The following MALRD1 variants were observed in gnomAD, a reference collection of about 807,000 sequenced individuals.
The protein encoded by MALRD1 is MAM and LDL receptor class A domain containing 1, also known as MAM and LDL-receptor class A domain-containing protein 1.
MALRD1 carries 247 observed loss-of-function variants against 242.1 expected under a neutral mutation model. That is an observed-to-expected ratio of 1.02 (90% CI 0.92 to 1.13). The LOEUF is 1.13. Ranked by LOEUF, MALRD1 falls within the 50% of genes most tolerant of loss-of-function variation. The pLI, the probability that MALRD1 is intolerant of heterozygous loss-of-function variation, is 0.00. For synonymous variants in MALRD1, 995 were observed against 866.6 expected (o/e 1.15, Z -2.60); for missense variants, 2,989 against 2,533.1 (o/e 1.18, Z -3.86).
intron 10 of MALRD1, among the ~76,000 whole-genome samples, chr10:19,141,357 A>G (rs1833535136): frequency 6.6e-6 from 1 of 152,096 alleles, no homozygotes; most frequent in Admixed American, 6.6e-5. Context: ...AGATAGTAAA[A>G]CGGTGGTTCC....
chr10:19,114,195 CTA>C (rs1231731259), intron 5 of MALRD1, among the ~76,000 whole-genome samples: 1 of 152,096 alleles, frequency 6.6e-6, no homozygotes, highest in African/African-American at 2.4e-5. Context: ...AGTCCTCAAA[CTA>C]TATAATGAGG....
At chr10:19,059,274 T>C (rs963845082) in intron 1 of MALRD1, among the ~76,000 whole-genome samples, 1 of 152,204 alleles carries the variant, frequency 6.6e-6, no homozygotes, top group Non-Finnish European at 1.5e-5. Flanking sequence ...AGTATGGCAC[T>C]GCACATAAAA....
intron 33 of MALRD1, among the ~76,000 whole-genome samples, chr10:19,587,410 T>G (rs1297730241): frequency 6.6e-6 from 1 of 152,256 alleles, no homozygotes; most frequent in Non-Finnish European, 1.5e-5. Context: ...ACTTTAAAAC[T>G]GAAGTTCTAC....
intron 29 of MALRD1, chr10:19,489,347 A>G: frequency 1.8e-6 from 1 of 540,816 alleles, no homozygotes; most frequent in Non-Finnish European, 3.7e-6. Flanking sequence ...GGAAAGGAAA[A>G]CTGAGGAGAG....
In MALRD1 at chr10:19,146,240, G is replaced by A; in HGVS notation, c.1454G>A (p.Trp485Ter). Residue 485 changes from tryptophan (W) to a stop codon, truncating the protein, a stop_gained, in exon 11 of 40, where the codon TGG becomes TAG. Transcript: ENST00000454679. LOFTEE classifies it high-confidence loss of function. ...TCDFESGFCG[W>*]EPFLTEDSHW... ...GACTTTGAGTCGGGTTTCTGCGGTT[G>A]GGAGCCATTTCTCACAGAAGATTCA... 8.1e-7 allele frequency: 1 copy of A among 1,231,636 alleles called. No homozygotes were observed. The highest frequency in any genetic ancestry group is 3.2e-5 in the East Asian group (1 of 31,700). The allele number at this position is 1,231,636 out of a possible 1,614,324, so 76.3% of individuals were successfully genotyped here.
chr10:19,352,606 G>A (rs1234351985), intron 26 of MALRD1, among the ~76,000 whole-genome samples: 1 of 152,086 alleles, frequency 6.6e-6, no homozygotes, highest in Non-Finnish European at 1.5e-5. Context: ...TTAATCCTAA[G>A]CAAACATCTA....
rs949252002 is a variant in MALRD1, at chr10:19,527,095, G to A, written c.5321-4099G>A. ...GTGCAGTAATTTTCCAAGTACCTGC[G>A]ATGTTGTTAGAATATTTTTCAAGTA... On this transcript the variant is annotated intron_variant, in intron 31 of 39. Transcript: ENST00000454679. Among the ~76,000 whole-genome samples the A allele has an allele frequency of 3.9e-5, 6 of 152,218 alleles. No homozygotes were observed. The East Asian group carries it at 9.7e-4, about 24-fold the overall frequency.
At chr10:19,685,308 A>G (rs1257147996) in intron 36 of MALRD1, among the ~76,000 whole-genome samples, 1 of 152,024 alleles carries the variant, frequency 6.6e-6, no homozygotes, top group African/African-American at 2.4e-5. Flanking sequence ...TTCTAAGTTC[A>G]TACTTCTACA....
At chr10:19,599,152 A>G (rs1325472225) in intron 34 of MALRD1, among the ~76,000 whole-genome samples, 1 of 152,164 alleles carries the variant, frequency 6.6e-6, no homozygotes, top group Non-Finnish European at 1.5e-5. Flanking sequence ...GAATGCAGGA[A>G]AAAAGAATTG....
chr10:19,372,205 A>T (rs1588980043), intron 26 of MALRD1, among the ~76,000 whole-genome samples: 2 of 152,224 alleles, frequency 1.3e-5, no homozygotes, highest in East Asian at 3.8e-4. Flanking sequence ...AGTAATATGA[A>T]CAATGGATAT....
At position 19,209,219 on chromosome 10, in the gene MALRD1, G is replaced by A. The variant is rs896323617; in HGVS notation, c.2579-49G>A. The A allele has an allele frequency of 8.5e-6, 12 of 1,417,838 alleles. No homozygotes were observed. The South Asian group carries it at 1.2e-4, about 14-fold the overall frequency. 87.8% of individuals were successfully genotyped at this position (1,417,838 alleles called of 1,614,324 possible). ...ATTAATAAATAGAATGTGGTTGCATGTATTTTTGTCCCTAATTATCTTTTG... is the reference window on the plus strand; with the variant it reads ...ATTAATAAATAGAATGTGGTTGCATATATTTTTGTCCCTAATTATCTTTTG... On this transcript the variant is annotated intron_variant, in intron 17 of 39. Transcript: ENST00000454679.
chr10:19,442,835 C>A (rs28804535), intron 28 of MALRD1, among the ~76,000 whole-genome samples: 3,434 of 152,198 alleles, frequency 0.023, 150 homozygotes, highest in African/African-American at 0.078. Flanking sequence ...TGGCCTCATA[C>A]AATGAGTTAG....
At chr10:19,047,834 T>C (rs2131186602), upstream of MALRD1, among the ~76,000 whole-genome samples, 1 of 152,332 alleles carries the variant, frequency 6.6e-6, no homozygotes, top group East Asian at 1.9e-4. Context: ...CAGATGCCTT[T>C]TCTGCCCCTG....
At chr10:19,226,767 A>G (rs1045123001) in intron 18 of MALRD1, among the ~76,000 whole-genome samples, 1 of 152,102 alleles carries the variant, frequency 6.6e-6, no homozygotes, top group Non-Finnish European at 1.5e-5. Flanking sequence ...ATATACATAG[A>G]AAATCCTTAG....
chr10:19,653,174 G>A (rs560506122), intron 36 of MALRD1, among the ~76,000 whole-genome samples: 11 of 152,036 alleles, frequency 7.2e-5, no homozygotes, highest in African/African-American at 2.7e-4. Context: ...TCCATCTCTT[G>A]CTGATTTCTC....
rs183217729 is a variant in MALRD1 at position 19,596,293 on chromosome 10, T to C, written c.5944+836T>C. On this transcript the variant is annotated intron_variant, in intron 34 of 39. Coordinates refer to ENST00000454679, the MANE Select transcript of MALRD1 (RefSeq NM_001142308.3). ...TATTTGTTTGCTTCCTTACTTATTT[T>C]ATATTTTATATTTTATTATATACCA... Among the ~76,000 whole-genome samples, 31 of 152,254 alleles carry C rather than the reference T, an allele frequency of 2.0e-4. No homozygotes were observed. In the East Asian group the frequency reaches 3.8e-3, roughly 19 times the overall value.
At chr10:19,159,310 A>C (rs974186238) in intron 12 of MALRD1, among the ~76,000 whole-genome samples, 3 of 152,136 alleles carry the variant, frequency 2.0e-5, no homozygotes, top group Non-Finnish European at 4.4e-5. Context: ...TTGAGGAGCT[A>C]TAGATATCTT....
intron 1 of MALRD1, among the ~76,000 whole-genome samples, chr10:19,066,373 T>C (rs1201386117): frequency 6.6e-6 from 1 of 152,204 alleles, no homozygotes; most frequent in Admixed American, 6.5e-5. Flanking sequence ...CAGGACAGGA[T>C]GTTATTGTTC....
chr10:19,333,615 C>A (rs917945166), intron 24 of MALRD1, among the ~76,000 whole-genome samples: 1 of 152,086 alleles, frequency 6.6e-6, no homozygotes, highest in South Asian at 2.1e-4. Context: ...CATAGGAATG[C>A]GTGTATCTTT....
Sources: allele counts gnomAD v4.1 joint callset (sites outside exome capture counted in the v4.1 genomes callset), GRCh38; gene constraint gnomAD v4.1.1; transcripts MANE v1.5; gene names NCBI Gene and HGNC (gene_info 2026-07-23, HGNC 2026-07-21).